Variants in SLC26A7 observed in about 807,000 individuals in gnomAD.
SLC26A7 encodes the protein anion exchange transporter.
In SLC26A7, 59 loss-of-function variants were observed where a neutral mutation model predicts 82.5. That is an observed-to-expected ratio of 0.72 (90% CI 0.58 to 0.89). SLC26A7 has a LOEUF of 0.89. SLC26A7 is among the 40% of genes least tolerant of loss of function. SLC26A7 has a pLI of 0.00. For synonymous variants in SLC26A7, 271 were observed against 274.3 expected, an observed-to-expected ratio of 0.99 and a Z score of 0.12; for missense variants, 820 against 793.0, an observed-to-expected ratio of 1.03 and a Z score of -0.41.
chr8:91,276,658 C>T (rs925795552), intron 2 of SLC26A7, among the ~76,000 whole-genome samples: 1 of 152,118 alleles, frequency 6.6e-6, no homozygotes, highest in African/African-American at 2.4e-5. Context: ...TGTTGGGACT[C>T]TCATCAGGAT....
At position 91,393,697 on chromosome 8, in the gene SLC26A7, A is replaced by G. The variant is rs1808468601; in HGVS notation, c.1777-100A>G. ...CCTCTGGTGGTTTGACTTCGTAAAC[A>G]TCGGCTTTAAAGAAAGTTTGATTTC... On this transcript the variant is annotated intron_variant, in intron 16 of 18. Transcript: ENST00000276609. The G allele has an allele frequency of 6.2e-6, 8 of 1,300,400 alleles. No homozygotes were observed. The Admixed American group carries it at 1.5e-4, about 24-fold the overall frequency. The allele number at this position is 1,300,400 out of a possible 1,614,324, so 80.6% of individuals were successfully genotyped here. A position where few individuals can be genotyped will look rare whatever the true frequency, so the allele number is the denominator to read the frequency against.
Position 91,363,538 on chromosome 8 carries a change from T to A in SLC26A7, c.1488T>A (p.Ser496Arg). The A allele has an allele frequency of 6.8e-7, 1 of 1,471,290 alleles. No individual in the cohort carries two copies. Among genetic ancestry groups the A allele is most frequent in the Non-Finnish European group, 9.3e-7 (1 of 1,074,796 alleles). The allele number at this position is 1,471,290 out of a possible 1,614,324, so 91.1% of individuals were successfully genotyped here. The change falls in exon 13 of 19, where the codon AGT (serine) becomes AGA (arginine). Residue 496 changes from serine (S) to arginine (R), a missense_variant and splice_region_variant. Physicochemically the swap from Ser to Arg is moderately radical, Grantham distance 110. Transcript: ENST00000276609. ...MEFKVKTEMD[S>R]ETLQQVKIIS... is the part of the protein sequence containing the mutation. ...TTAAAGTGAAGACAGAAATGGACAGTGTAAGTTTAGTTTTATTTTTCCTTT... is the reference window on the plus strand; with the variant it reads ...TTAAAGTGAAGACAGAAATGGACAGAGTAAGTTTAGTTTTATTTTTCCTTT...
chr8:91,224,739 GGA>G (rs777903111), intron 2 of SLC26A7, among the ~76,000 whole-genome samples: 2 of 152,162 alleles, frequency 1.3e-5, no homozygotes, highest in Non-Finnish European at 2.9e-5. Context: ...TGTGCTGGGG[GGA>G]AACCCACTTC....
chr8:91,283,616 T>C (rs1010979241), intron 2 of SLC26A7, among the ~76,000 whole-genome samples: 2 of 152,198 alleles, frequency 1.3e-5, no homozygotes, highest in Non-Finnish European at 2.9e-5. Flanking sequence ...ACTTAGCCTT[T>C]ATTCTTTGGG....
At chr8:91,239,395 A>AAAAAATATATAT (rs1554600121) in intron 2 of SLC26A7, among the ~76,000 whole-genome samples, 1 of 94,860 alleles carries the variant, frequency 1.1e-5, no homozygotes, top group African/African-American at 3.5e-5. Context: ...AAAAAAAAAA[A>AAAAAATATATAT]ATATATATAT....
intron 3 of SLC26A7, among the ~76,000 whole-genome samples, chr8:91,292,960 C>G (rs1811913843): frequency 6.6e-6 from 1 of 151,992 alleles, no homozygotes; most frequent in Admixed American, 6.6e-5. Context: ...ATTGTGGAGA[C>G]TATATAAGGC....
At chr8:91,289,537 C>T (rs1045613839) in intron 3 of SLC26A7, among the ~76,000 whole-genome samples, 9 of 151,882 alleles carry the variant, frequency 5.9e-5, no homozygotes, top group African/African-American at 1.5e-4. Flanking sequence ...CCCAGCTACT[C>T]GGGAGGCTGA....
chr8:91,326,144 T>G (rs1812925598), intron 5 of SLC26A7, among the ~76,000 whole-genome samples: 1 of 152,222 alleles, frequency 6.6e-6, no homozygotes, highest in Non-Finnish European at 1.5e-5. Flanking sequence ...GTTTTGTTTC[T>G]TTTTGTGTTT....
At chr8:91,260,236 G>T (rs1277511740) in intron 2 of SLC26A7, among the ~76,000 whole-genome samples, 2 of 152,114 alleles carry the variant, frequency 1.3e-5, no homozygotes, top group African/African-American at 4.8e-5. Flanking sequence ...TCACAAGGCA[G>T]CAGGAGAGAG....
At chr8:91,348,730 A>T (rs1813634271) in intron 9 of SLC26A7, among the ~76,000 whole-genome samples, 1 of 152,144 alleles carries the variant, frequency 6.6e-6, no homozygotes, top group African/African-American at 2.4e-5. Flanking sequence ...CCTGAGATTA[A>T]AAAAGGAACA....
chr8:91,330,981 C>T (rs535583737), intron 5 of SLC26A7, among the ~76,000 whole-genome samples: 93 of 152,160 alleles, frequency 6.1e-4, no homozygotes, highest in Middle Eastern at 3.4e-3. Context: ...CAGTTTTGGT[C>T]TCTTCTTAAA....
At chr8:91,382,660 T>C (rs992102371) in intron 15 of SLC26A7, among the ~76,000 whole-genome samples, 1 of 152,186 alleles carries the variant, frequency 6.6e-6, no homozygotes, top group Non-Finnish European at 1.5e-5. Context: ...AATTACCACA[T>C]GCTTTAATCA....
At chr8:91,306,160 A>C (rs572440403) in intron 4 of SLC26A7, among the ~76,000 whole-genome samples, 1 of 152,070 alleles carries the variant, frequency 6.6e-6, no homozygotes, top group African/African-American at 2.4e-5. Context: ...TTTGATCCTC[A>C]TACTCTTCCC....
At chr8:91,300,210 GT>G (rs962552927) in intron 4 of SLC26A7, among the ~76,000 whole-genome samples, 1 of 152,086 alleles carries the variant, frequency 6.6e-6, no homozygotes, top group African/African-American at 2.4e-5. Flanking sequence ...TTTTTGTCAA[GT>G]TTATTCCCAA....
In SLC26A7 at chr8:91,257,625, TA is replaced by T. The variant is rs112419634; in HGVS notation, c.193+7791del. 7.2e-3 allele frequency among the ~76,000 whole-genome samples: 1,068 copies of T among 148,920 alleles called. 9 individuals carry two copies. Among genetic ancestry groups the T allele is most frequent in the African/African-American group, 0.021 (857 of 40,740 alleles). ...AACACCATTTCTCAAAATAAAAAAA[TA>T]AAAAAAAAACACATTTTTTCCCCTT... On this transcript the variant is annotated intron_variant, in intron 2 of 18. Transcript: ENST00000276609.
In SLC26A7 at chr8:91,396,512, G is replaced by A. The variant is rs1032462519; in HGVS notation, c.*1415G>A. The stretch of plus-strand genomic sequence containing the variant: ...CAAATGTGTGGTAAACATTCATATG[G>A]CCATTAATTTTAACATTAAATCGTA... On this transcript the variant is annotated 3_prime_UTR_variant, in exon 19 of 19. Coordinates refer to ENST00000276609, the MANE Select transcript of SLC26A7 (RefSeq NM_052832.4). The A allele has an allele frequency of 2.0e-5, 3 of 151,924 alleles. No homozygotes were observed. The highest frequency in any genetic ancestry group is 7.2e-5 in the African/African-American group (3 of 41,392). 9.4% of individuals were successfully genotyped at this position (151,924 alleles called of 1,614,324 possible).
At chr8:91,363,422 A>T (rs1211482953) in intron 12 of SLC26A7, 50 bp from the exon 13 acceptor site, 1 of 1,182,054 alleles carries the variant, frequency 8.5e-7, no homozygotes, top group African/African-American at 1.5e-5. Context: ...CATTGTTTAT[A>T]TAATGATTAG....
intron 2 of SLC26A7, chr8:91,219,165 C>T: frequency 5.1e-6 from 2 of 393,828 alleles, no homozygotes; most frequent in Non-Finnish European, 9.0e-6. Flanking sequence ...GCACTACAAT[C>T]TGCCTTCAGC....
intron 2 of SLC26A7, among the ~76,000 whole-genome samples, chr8:91,220,366 TG>T (rs556710819): frequency 2.0e-5 from 3 of 152,176 alleles, no homozygotes; most frequent in Admixed American, 1.3e-4. Context: ...AAAGTGTTTT[TG>T]TTTTTTTTCT....
Sources: gnomAD v4.1 joint callset for allele counts (sites outside exome capture counted in the v4.1 genomes callset) on GRCh38, gnomAD v4.1.1 for gene constraint, MANE v1.5 for transcripts, NCBI Gene and HGNC (gene_info 2026-07-23, HGNC 2026-07-21) for gene names.